Variants in COX7B2 observed in about 807,000 individuals in gnomAD.
COX7B2 encodes cytochrome c oxidase subunit 7B2.
For synonymous variants in COX7B2, 37 were observed against 32.1 expected (o/e 1.15, Z -0.51); for missense variants, 109 against 95.9 (o/e 1.14, Z -0.57).
At chr4:46,791,508 T>C (rs1179226906) in intron 2 of COX7B2, among the ~76,000 whole-genome samples, 2 of 152,246 alleles carry the variant, frequency 1.3e-5, no homozygotes, top group African/African-American at 2.4e-5. Context: ...GAGCTTCTTC[T>C]GGGCTGCTTA....
intron 2 of COX7B2, among the ~76,000 whole-genome samples, chr4:46,831,144 G>C (rs999729398): frequency 1.3e-5 from 2 of 152,146 alleles, no homozygotes. Context: ...TGGCCGGCCG[G>C]CCTGCCAGCC....
chr4:46,828,651 T>C (rs79480431), intron 2 of COX7B2, among the ~76,000 whole-genome samples: 287 of 152,204 alleles, frequency 1.9e-3, no homozygotes, highest in African/African-American at 6.4e-3. Context: ...AAAGTGCACA[T>C]AGAGTACAAT....
At chr4:46,802,338 G>A (rs967476813) in intron 2 of COX7B2, among the ~76,000 whole-genome samples, 1 of 152,134 alleles carries the variant, frequency 6.6e-6, no homozygotes, top group Non-Finnish European at 1.5e-5. Flanking sequence ...AACTAAACAA[G>A]GGAATCATGT....
intron 1 of COX7B2, among the ~76,000 whole-genome samples, chr4:46,850,773 G>T (rs111237732): frequency 0.017 from 2,543 of 152,128 alleles, 64 homozygotes; most frequent in African/African-American, 0.058. Context: ...ACTATGCTCA[G>T]CTACTTAACC....
chr4:46,814,876 G>A (rs1478092800), intron 2 of COX7B2, among the ~76,000 whole-genome samples: 1 of 152,048 alleles, frequency 6.6e-6, no homozygotes, highest in Admixed American at 6.6e-5. Flanking sequence ...CAATAAATTA[G>A]ATGTGGTTTA....
At chr4:46,742,343 T>A (rs986489276) in intron 2 of COX7B2, among the ~76,000 whole-genome samples, 2 of 152,080 alleles carry the variant, frequency 1.3e-5, no homozygotes, top group Admixed American at 6.6e-5. Context: ...AAAAAAGCAA[T>A]CTTCTTGAAA....
chr4:46,840,953 A>T (rs1715887946), intron 2 of COX7B2, among the ~76,000 whole-genome samples: 1 of 152,040 alleles, frequency 6.6e-6, no homozygotes, highest in African/African-American at 2.4e-5. Context: ...GCTGTCACTG[A>T]CATACGGAGT....
At chr4:46,790,844 A>C (rs1718002292) in intron 2 of COX7B2, among the ~76,000 whole-genome samples, 1 of 152,248 alleles carries the variant, frequency 6.6e-6, no homozygotes, top group Non-Finnish European at 1.5e-5. Flanking sequence ...TTGCTGCTTA[A>C]GAATCAAACC....
intron 2 of COX7B2, among the ~76,000 whole-genome samples, chr4:46,832,197 C>T (rs1715182265): frequency 6.6e-6 from 1 of 152,160 alleles, no homozygotes; most frequent in South Asian, 2.1e-4. Flanking sequence ...TTTGGGTCCA[C>T]ACTGCCTTTA....
chr4:46,769,840 T>C (rs1479138602), intron 2 of COX7B2, among the ~76,000 whole-genome samples: 1 of 152,110 alleles, frequency 6.6e-6, no homozygotes, highest in Non-Finnish European at 1.5e-5. Context: ...GAAAGAATGT[T>C]CCTCGAAAAA....
At chr4:46,905,996 A>AT (rs1371312481) in intron 1 of COX7B2, among the ~76,000 whole-genome samples, 2 of 148,762 alleles carry the variant, frequency 1.3e-5, no homozygotes, top group East Asian at 4.0e-4. Context: ...CGCCCGGCTA[A>AT]TTTTTTGTAT....
intron 2 of COX7B2, among the ~76,000 whole-genome samples, chr4:46,743,384 T>C (rs1714827233): frequency 6.6e-6 from 1 of 152,202 alleles, no homozygotes; most frequent in South Asian, 2.1e-4. Flanking sequence ...TGTCTCATGC[T>C]AATGGAACTC....
chr4:46,792,575 T>C (rs1318992835), intron 2 of COX7B2, among the ~76,000 whole-genome samples: 2 of 152,348 alleles, frequency 1.3e-5, no homozygotes, highest in South Asian at 2.1e-4. Context: ...TCGGTGCTCC[T>C]AGTTCTCAGA....
At chr4:46,837,645 TA>T (rs1715609568) in intron 2 of COX7B2, among the ~76,000 whole-genome samples, 3 of 152,048 alleles carry the variant, frequency 2.0e-5, no homozygotes, top group Admixed American at 1.3e-4. Context: ...ATTGTACACT[TA>T]AAAATGGCTA....
chr4:46,804,230 G>A (rs751278218), intron 2 of COX7B2, among the ~76,000 whole-genome samples: 1 of 152,158 alleles, frequency 6.6e-6, no homozygotes, highest in South Asian at 2.1e-4. Context: ...AGCTCATAAA[G>A]GTAGTGCGGA....
At chr4:46,827,001 A>G (rs1318528531) in intron 2 of COX7B2, among the ~76,000 whole-genome samples, 1 of 152,150 alleles carries the variant, frequency 6.6e-6, no homozygotes, top group Non-Finnish European at 1.5e-5. Context: ...AAATGGAAAA[A>G]GAAAATAAAT....
chr4:46,765,666 ACACCAACAT>A (rs891243901), intron 2 of COX7B2, among the ~76,000 whole-genome samples: 12 of 151,652 alleles, frequency 7.9e-5, no homozygotes, highest in African/African-American at 2.9e-4. Flanking sequence ...CTCCAGGCCC[ACACCAACAT>A]CAGCCCAGCC....
chr4:46,853,603 T>C (rs2109784509), intron 1 of COX7B2, among the ~76,000 whole-genome samples: 1 of 152,226 alleles, frequency 6.6e-6, no homozygotes, highest in South Asian at 2.1e-4. Context: ...TAGTTAGTTG[T>C]TCTCTATTCT....
At chr4:46,825,406 T>G (rs1184160246) in intron 2 of COX7B2, among the ~76,000 whole-genome samples, 2 of 152,028 alleles carry the variant, frequency 1.3e-5, no homozygotes, top group African/African-American at 4.8e-5. Context: ...TAGAAAAACA[T>G]CCCATGCTCA....
Sources: gnomAD v4.1 joint callset for allele counts (sites outside exome capture counted in the v4.1 genomes callset) on GRCh38, gnomAD v4.1.1 for gene constraint, MANE v1.5 for transcripts, NCBI Gene and HGNC (gene_info 2026-07-23, HGNC 2026-07-21) for gene names.